The following SERINC1 variants were observed in gnomAD, a reference collection of about 807,000 sequenced individuals.
The protein encoded by SERINC1 is tumor differentially expressed protein 2.
A neutral mutation model predicts 52.9 loss-of-function variants in SERINC1; 38 were observed. The observed-to-expected ratio is 0.72, with a 90% CI of 0.55 to 0.94. SERINC1 has a LOEUF of 0.94. Ranked by LOEUF, SERINC1 falls within the 40% of genes least tolerant of loss-of-function variation. The pLI is 0.00. For missense variants in SERINC1, 471 were observed against 533.9 expected (o/e 0.88, Z 1.16); for synonymous variants, 198 against 183.1 (o/e 1.08, Z -0.66).
At position 122,456,468 on chromosome 6, in the gene SERINC1, T is replaced by C; in HGVS notation, c.371+13A>G. The C allele has an allele frequency of 6.7e-7, 1 of 1,486,322 alleles. No homozygotes were observed. Among genetic ancestry groups the C allele is most frequent in the Middle Eastern group, 1.8e-4 (1 of 5,570 alleles). 92.1% of individuals were successfully genotyped at this position (1,486,322 alleles called of 1,614,324 possible). On this transcript the variant is annotated intron_variant, in intron 3 of 9. Transcript: ENST00000339697. ...ACCCAAGCTTTTATATTGAAGCTTA[T>C]TTAAAAACTTACCCATTGTGCACTG...
intron 2 of SERINC1, 54 bp from the exon 3 acceptor site, chr6:122,456,704 A>G (rs909842945): frequency 4.5e-6 from 6 of 1,321,736 alleles, no homozygotes; most frequent in Non-Finnish European, 6.1e-6. Context: ...AAGTAAAAAT[A>G]AAAATTACAT....
chr6:122,468,906 A>T (rs1775228886), intron 1 of SERINC1, among the ~76,000 whole-genome samples: 2 of 152,216 alleles, frequency 1.3e-5, no homozygotes, highest in South Asian at 4.1e-4. Flanking sequence ...CAAAAAAAAA[A>T]TCAATTCTGT....
intron 1 of SERINC1, among the ~76,000 whole-genome samples, chr6:122,469,548 TTTTTG>T (rs539537090): frequency 6.6e-6 from 1 of 151,756 alleles, no homozygotes; most frequent in African/African-American, 2.4e-5. Context: ...GATTTTTGTT[TTTTTG>T]TTTTGTTTTG....
chr6:122,444,956 C>T lies in SERINC1; in HGVS notation c.*88G>A. ...AACACTGGAGAAGTTACATGGGAAG[C>T]AAAAACATACACAACTTTACAAAAG... On this transcript the variant is annotated 3_prime_UTR_variant, in exon 10 of 10. Coordinates refer to ENST00000339697, the MANE Select transcript of SERINC1 (RefSeq NM_020755.4). 3 of 1,332,122 alleles carry T rather than the reference C, an allele frequency of 2.3e-6. No homozygotes were observed. The highest frequency in any genetic ancestry group is 3.1e-6 in the Non-Finnish European group (3 of 967,982). The allele number at this position is 1,332,122 out of a possible 1,614,324, so 82.5% of individuals were successfully genotyped here. A position where few individuals can be genotyped will look rare whatever the true frequency, so the allele number is the denominator to read the frequency against.
At chr6:122,464,786 T>C (rs994565148) in intron 1 of SERINC1, among the ~76,000 whole-genome samples, 25 of 152,282 alleles carry the variant, frequency 1.6e-4, no homozygotes, top group African/African-American at 5.5e-4. Flanking sequence ...CAAGGACTGG[T>C]AGAGAGCTTT....
chr6:122,451,814 C>G (rs1237075647), intron 6 of SERINC1, 60 bp from the exon 7 acceptor site: 48 of 739,218 alleles, frequency 6.5e-5, no homozygotes, highest in Non-Finnish European at 8.5e-5. Flanking sequence ...GGTAAATAGT[C>G]TGACATCATT....
intron 7 of SERINC1, among the ~76,000 whole-genome samples, chr6:122,448,493 T>C (rs1052766606): frequency 2.0e-5 from 3 of 151,018 alleles, no homozygotes; most frequent in Non-Finnish European, 4.4e-5. Context: ...TTTTGTCTAT[T>C]CTAATTTGTC....
At chr6:122,448,689 T>C (rs952657572) in intron 7 of SERINC1, among the ~76,000 whole-genome samples, 3 of 152,132 alleles carry the variant, frequency 2.0e-5, no homozygotes, top group African/African-American at 4.8e-5. Flanking sequence ...TTTTTCTTTC[T>C]ATATACGACA....
rs1774757638 is a variant in SERINC1 at position 122,444,936 on chromosome 6, TGGA to T, written c.*105_*107del. 4.9e-6 allele frequency: 5 copies of T among 1,027,004 alleles called. No homozygotes were observed. The South Asian group carries it at 5.0e-5, about 10-fold the overall frequency. The allele number at this position is 1,027,004 out of a possible 1,614,324, so 63.6% of individuals were successfully genotyped here. A position where few individuals can be genotyped will look rare whatever the true frequency, so the allele number is the denominator to read the frequency against. On this transcript the variant is annotated 3_prime_UTR_variant, in exon 10 of 10. Coordinates refer to ENST00000339697, the MANE Select transcript of SERINC1 (RefSeq NM_020755.4). ...TAAAATCTAATTCATGCCAGAACAC[TGGA>T]GAAGTTACATGGGAAGCAAAAACAT...
intron 1 of SERINC1, among the ~76,000 whole-genome samples, chr6:122,466,167 G>A (rs773459267): frequency 1.3e-5 from 2 of 152,144 alleles, no homozygotes; most frequent in East Asian, 1.9e-4. Context: ...GGAATTGCTC[G>A]AACTTGGGAG....
At chr6:122,447,882 G>C (rs1024226005) in intron 7 of SERINC1, among the ~76,000 whole-genome samples, 1 of 152,042 alleles carries the variant, frequency 6.6e-6, no homozygotes, top group South Asian at 2.1e-4. Flanking sequence ...TTGGGAGGCC[G>C]AGGCGGGCGG....
chr6:122,468,220 T>C (rs1298814848), intron 1 of SERINC1, among the ~76,000 whole-genome samples: 1 of 152,222 alleles, frequency 6.6e-6, no homozygotes, highest in Non-Finnish European at 1.5e-5. Flanking sequence ...TTCAATGTCT[T>C]ATACAATGTT....
chr6:122,467,354 C>T (rs978615122), intron 1 of SERINC1, among the ~76,000 whole-genome samples: 2 of 152,124 alleles, frequency 1.3e-5, no homozygotes, highest in African/African-American at 4.8e-5. Context: ...CCTATAATCC[C>T]AGCACTTCGG....
Position 122,458,509 on chromosome 6 carries a change from A to G in SERINC1, c.201+11T>C. 3 of 1,600,320 alleles carry G rather than the reference A, an allele frequency of 1.9e-6. No homozygotes were observed. Among genetic ancestry groups the G allele is most frequent in the Non-Finnish European group, 2.6e-6 (3 of 1,168,878 alleles). On this transcript the variant is annotated intron_variant, in intron 2 of 9. Coordinates refer to ENST00000339697, the MANE Select transcript of SERINC1 (RefSeq NM_020755.4). ...GCCTCAGTTAATCAATAAATAAGAA[A>G]CGAGACTAACCTTATTCAGTTGTTC...
At chr6:122,462,086 A>G (rs1775115191) in intron 1 of SERINC1, among the ~76,000 whole-genome samples, 1 of 152,216 alleles carries the variant, frequency 6.6e-6, no homozygotes, top group South Asian at 2.1e-4. Context: ...TTAAAAATCA[A>G]CCAATGACCT....
rs1774711515 is a variant in SERINC1, at chr6:122,443,906, G to T, written c.*1138C>A. 1 of 152,132 alleles carries T rather than the reference G, an allele frequency of 6.6e-6. No homozygotes were observed. Among genetic ancestry groups the T allele is most frequent in the Non-Finnish European group, 1.5e-5 (1 of 68,020 alleles). The allele number at this position is 152,132 out of a possible 1,614,324, so 9.4% of individuals were successfully genotyped here. On this transcript the variant is annotated 3_prime_UTR_variant, in exon 10 of 10. Coordinates refer to ENST00000339697, the MANE Select transcript of SERINC1 (RefSeq NM_020755.4). The stretch of plus-strand genomic sequence containing the variant: ...TTTCAGTGTCTTCATTTTTTTAAAT[G>T]AGAGAACTGGACTAGATTTTATATA...
intron 3 of SERINC1, among the ~76,000 whole-genome samples, chr6:122,455,107 G>A (rs956701722): frequency 6.6e-6 from 1 of 152,130 alleles, no homozygotes; most frequent in Non-Finnish European, 1.5e-5. Flanking sequence ...TGCAGATTAT[G>A]TATGATCTCA....
chr6:122,458,656 G>C lies in SERINC1; in HGVS notation c.65C>G (p.Pro22Arg). The change falls in exon 2 of 10, where the codon CCG becomes CGG. Residue 22 changes from proline (P) to arginine (R), a missense_variant. Pro to Arg is a moderately radical substitution (Grantham distance 103). Coordinates refer to ENST00000339697, the MANE Select transcript of SERINC1 (RefSeq NM_020755.4). ...SWIPCLCGSAPCLLCRCCPSG... is the reference protein window; with the variant it reads ...SWIPCLCGSARCLLCRCCPSG... ...AGGACAGCATCGGCATAGCAAACAC[G>C]GGGCACTTCCACACAAACATGGTAT... is the stretch of plus-strand genomic sequence containing the variant. 6 of 1,604,214 alleles carry C rather than the reference G, an allele frequency of 3.7e-6. No individual in the cohort carries two copies. The highest frequency in any genetic ancestry group is 4.3e-6 in the Non-Finnish European group (5 of 1,174,294).
At chr6:122,470,632 G>C (rs550575665) in intron 1 of SERINC1, among the ~76,000 whole-genome samples, 5 of 152,208 alleles carry the variant, frequency 3.3e-5, no homozygotes, top group African/African-American at 9.6e-5. Flanking sequence ...GAACAGACTG[G>C]CTGGAGTAAC....
Sources: allele counts gnomAD v4.1 joint callset (sites outside exome capture counted in the v4.1 genomes callset), GRCh38; gene constraint gnomAD v4.1.1; transcripts MANE v1.5; gene names NCBI Gene and HGNC (gene_info 2026-07-23, HGNC 2026-07-21).